ST3GAL1: variants seen among roughly 807,000 people sequenced by gnomAD.
The protein encoded by ST3GAL1 is CMP-N-acetylneuraminate-beta-galactosamide-alpha-2,3-sialyltransferase 1.
Under a neutral mutation model 34.1 loss-of-function variants are expected in ST3GAL1, and 16 were observed. The ratio of observed to expected loss-of-function variants is 0.47; its 90% CI spans 0.32 to 0.71. The LOEUF is 0.71. Among genes scored for constraint, ST3GAL1 ranks in the 30% least tolerant of loss-of-function variants. ST3GAL1 has a pLI of 0.04. For missense variants in ST3GAL1, 353 were observed against 447.4 expected, an observed-to-expected ratio of 0.79 and a Z score of 1.90; for synonymous variants, 191 against 184.7, an observed-to-expected ratio of 1.03 and a Z score of -0.28.
chr8:133,569,857 C>T (rs1819513462), intron 1 of ST3GAL1, among the ~76,000 whole-genome samples: 1 of 152,232 alleles, frequency 6.6e-6, no homozygotes, highest in South Asian at 2.1e-4. Context: ...AATCAGGAGG[C>T]TCCGCCCGCA....
Position 133,475,763 on chromosome 8 carries a change from C to A in ST3GAL1, c.262G>T (p.Ala88Ser), listed in dbSNP as rs200639488. The A allele has an allele frequency of 1.9e-6, 3 of 1,612,260 alleles. No homozygotes were observed. The highest frequency in any genetic ancestry group is 2.5e-6 in the Non-Finnish European group (3 of 1,178,976). ...FNQTMQPLLT[A>S]QNALLEDDTY... The stretch of plus-strand genomic sequence containing the variant: ...TCGTCCTCCAAGAGCGCGTTCTGGG[C>A]GGTCAGCAGCGGCTGCATGGTCTGG... The change falls in exon 5 of 10, where the codon GCC becomes TCC. Residue 88 changes from alanine to serine, a missense_variant. Transcript: ENST00000522652.
intron 1 of ST3GAL1, among the ~76,000 whole-genome samples, chr8:133,552,252 C>G (rs1206600204): frequency 6.6e-6 from 1 of 152,190 alleles, no homozygotes; most frequent in East Asian, 1.9e-4. Context: ...AGATTCCCAT[C>G]CGGGACATGA....
At chr8:133,565,135 T>A (rs1052626470) in intron 1 of ST3GAL1, among the ~76,000 whole-genome samples, 1 of 147,586 alleles carries the variant, frequency 6.8e-6, no homozygotes, top group Non-Finnish European at 1.5e-5. Flanking sequence ...TCAAATGAGA[T>A]AACAGCTCTG....
At chr8:133,504,353 G>A (rs1031926536) in intron 2 of ST3GAL1, among the ~76,000 whole-genome samples, 1 of 152,208 alleles carries the variant, frequency 6.6e-6, no homozygotes, top group Non-Finnish European at 1.5e-5. Context: ...GAAGGCAAAT[G>A]TCAAGTTTCT....
chr8:133,568,472 T>C (rs1417742805), intron 1 of ST3GAL1, among the ~76,000 whole-genome samples: 1 of 152,216 alleles, frequency 6.6e-6, no homozygotes, highest in African/African-American at 2.4e-5. Context: ...CTAGAATTCT[T>C]TGTGACCGGG....
chr8:133,569,727 C>T (rs934956578), intron 1 of ST3GAL1, among the ~76,000 whole-genome samples: 3 of 152,196 alleles, frequency 2.0e-5, no homozygotes, highest in East Asian at 3.9e-4. Flanking sequence ...GAGGGACCCC[C>T]GCACTGGGCG....
In ST3GAL1 at chr8:133,464,872, C is replaced by T; in HGVS notation, c.589G>A (p.Glu197Lys). The change falls in exon 7 of 10, where the codon GAG becomes AAG. Residue 197 changes from glutamate to lysine, a missense_variant. Glu to Lys is a moderately conservative substitution (Grantham distance 56). Transcript: ENST00000522652. Reference protein sequence around the residue: ...HHLVYPESFRELGDNVSMILV... With the variant: ...HHLVYPESFRKLGDNVSMILV... ...ATCATGCTGACATTATCTCCCAGCT[C>T]CCGGAAGCTCTCAGGGTACACCAGA... 1 of 1,614,108 alleles carries T rather than the reference C, an allele frequency of 6.2e-7. No homozygotes were observed. The highest frequency in any genetic ancestry group is 8.5e-7 in the Non-Finnish European group (1 of 1,179,996).
In ST3GAL1 at chr8:133,494,913, C is replaced by CT. The variant is rs34975583; in HGVS notation, c.-374+4221dup. The stretch of plus-strand genomic sequence containing the variant: ...TCGGCCTCTGCGTTTTTCCTCTATT[C>CT]TTTTTTTTTTTTTTTTTTTTTTTGA... On this transcript the variant is annotated intron_variant, in intron 3 of 9. Coordinates refer to ENST00000522652, the MANE Select transcript of ST3GAL1 (RefSeq NM_173344.3). 8.9e-3 allele frequency among the ~76,000 whole-genome samples: 895 copies of CT among 100,688 alleles called. 30 individuals carry two copies. The highest frequency in any genetic ancestry group is 0.02 in the East Asian group (64 of 3,170). The allele number at this position is 100,688 out of a possible 152,430, so 66.1% of individuals were successfully genotyped here.
chr8:133,498,685 G>T (rs1341192126), intron 3 of ST3GAL1, among the ~76,000 whole-genome samples: 1 of 152,230 alleles, frequency 6.6e-6, no homozygotes, highest in Non-Finnish European at 1.5e-5. Flanking sequence ...TGCTGAGTGA[G>T]ATTGAGTCCT....
At chr8:133,465,776 G>A in intron 6 of ST3GAL1, 118 bp downstream of exon 6, 1 of 1,131,474 alleles carries the variant, frequency 8.8e-7, no homozygotes, top group East Asian at 2.4e-5. Flanking sequence ...GGGTCCCTGG[G>A]TAAGTTCAGT....
intron 2 of ST3GAL1, among the ~76,000 whole-genome samples, chr8:133,534,849 G>A (rs1818263114): frequency 6.6e-6 from 1 of 152,234 alleles, no homozygotes; most frequent in African/African-American, 2.4e-5. Flanking sequence ...ACCAGTCTCG[G>A]TGCTGGTGAG....
chr8:133,461,057 C>A lies in ST3GAL1; in HGVS notation c.849+818G>T, dbSNP rs957171283. On this transcript the variant is annotated intron_variant, in intron 9 of 9. Coordinates refer to ENST00000522652, the MANE Select transcript of ST3GAL1 (RefSeq NM_173344.3). This position sits in a 1 kb window ranked among gnomAD's most constrained non-coding sequence, Gnocchi z 4.7. ...AGAACCTCAAGCAAGGGTCTGGGAC[C>A]AGCTGGCTGGAGGTGGGTGGGGTGG... 6.6e-6 allele frequency among the ~76,000 whole-genome samples: 1 copy of A among 152,120 alleles called. No individual in the cohort carries two copies. The highest frequency in any genetic ancestry group is 2.4e-5 in the African/African-American group (1 of 41,414).
intron 3 of ST3GAL1, among the ~76,000 whole-genome samples, chr8:133,496,891 T>C (rs1175927361): frequency 6.6e-6 from 1 of 152,226 alleles, no homozygotes; most frequent in East Asian, 1.9e-4. Flanking sequence ...CCTTCTTTTT[T>C]AACAACTCAC....
rs756563042 is a variant in ST3GAL1, at chr8:133,542,093, C to CCA, written c.-429+3679_-429+3680dup. ...TAAATGTGGGTATCTGTGTGATACA[C>CCA]CACACACACACACACACACCCACGC... On this transcript the variant is annotated intron_variant, in intron 2 of 9. Coordinates refer to ENST00000522652, the MANE Select transcript of ST3GAL1 (RefSeq NM_173344.3). Among the ~76,000 whole-genome samples, 51 of 138,612 alleles carry CCA rather than the reference C, an allele frequency of 3.7e-4. 1 individual carries two copies. Among genetic ancestry groups the CCA allele is most frequent in the East Asian group, 3.2e-3 (14 of 4,370 alleles). The allele number at this position is 138,612 out of a possible 152,430, so 90.9% of individuals were successfully genotyped here.
intron 2 of ST3GAL1, among the ~76,000 whole-genome samples, chr8:133,507,769 C>A (rs1237510153): frequency 6.6e-6 from 1 of 152,196 alleles, no homozygotes; most frequent in Non-Finnish European, 1.5e-5. Flanking sequence ...ACCCTCGGAG[C>A]CACTTCACCT....
chr8:133,511,686 G>A (rs890723604), intron 2 of ST3GAL1, among the ~76,000 whole-genome samples: 1 of 152,108 alleles, frequency 6.6e-6, no homozygotes, highest in South Asian at 2.1e-4. Context: ...GAGACCTTTC[G>A]AGTCACATAC....
chr8:133,550,761 C>T (rs1219472303), intron 1 of ST3GAL1, among the ~76,000 whole-genome samples: 1 of 152,194 alleles, frequency 6.6e-6, no homozygotes, highest in Non-Finnish European at 1.5e-5. Flanking sequence ...TCTCATTCCT[C>T]CTGTTCTGAA....
chr8:133,460,010 A>G, intron 9 of ST3GAL1, 73 bp from the exon 10 acceptor site: 1 of 1,496,614 alleles, frequency 6.7e-7, no homozygotes, highest in Non-Finnish European at 9.0e-7. Flanking sequence ...GGAAGCCTGT[A>G]GGCGTTCCTG....
At chr8:133,485,002 G>T (rs906191717) in intron 3 of ST3GAL1, among the ~76,000 whole-genome samples, 1 of 152,208 alleles carries the variant, frequency 6.6e-6, no homozygotes, top group Non-Finnish European at 1.5e-5. Flanking sequence ...AGCTAGAGTG[G>T]TATCTGCAAT....
Sources: allele counts gnomAD v4.1 joint callset (sites outside exome capture counted in the v4.1 genomes callset), GRCh38; gene constraint gnomAD v4.1.1; non-coding constraint Gnocchi (gnomAD v3.1); transcripts MANE v1.5; gene names NCBI Gene and HGNC (gene_info 2026-07-23, HGNC 2026-07-21).